GRID1: variants seen among roughly 807,000 people sequenced by gnomAD.
The protein encoded by GRID1 is glutamate ionotropic receptor delta type subunit 1, also known as glutamate receptor ionotropic, delta-1.
A neutral mutation model predicts 98.0 loss-of-function variants in GRID1; 28 were observed. That is an observed-to-expected ratio of 0.29 (90% CI 0.21 to 0.39). The LOEUF (loss-of-function observed/expected upper bound fraction) is 0.39. GRID1 is among the 10% of genes least tolerant of loss of function. The pLI, the probability that GRID1 is intolerant of heterozygous loss-of-function variation, is 1.00. For synonymous variants in GRID1, 553 were observed against 538.5 expected (o/e 1.03, Z -0.37); for missense variants, 1,111 against 1,340.5 (o/e 0.83, Z 2.67).
chr10:85,605,030 G>C (rs1842641115), intron 15 of GRID1, among the ~76,000 whole-genome samples: 1 of 152,224 alleles, frequency 6.6e-6, no homozygotes. Context: ...CAGAGAGACA[G>C]AAAGCAGCAG....
intron 2 of GRID1, among the ~76,000 whole-genome samples, chr10:86,290,128 G>C (rs533390449): frequency 2.0e-4 from 30 of 152,294 alleles, no homozygotes; most frequent in South Asian, 1.5e-3. Flanking sequence ...AGTTTAACTG[G>C]TATTTTTATC....
chr10:85,762,670 C>T (rs1252559101), intron 8 of GRID1, among the ~76,000 whole-genome samples: 2 of 152,174 alleles, frequency 1.3e-5, no homozygotes, highest in South Asian at 2.1e-4. Flanking sequence ...ACCAAAAAAG[C>T]GACAGAGGCT....
intron 2 of GRID1, among the ~76,000 whole-genome samples, chr10:86,305,335 G>A (rs1847745011): frequency 6.6e-6 from 1 of 152,182 alleles, no homozygotes; most frequent in Non-Finnish European, 1.5e-5. Flanking sequence ...TGAGAGGCAG[G>A]GCCTGTGCCT....
intron 8 of GRID1, among the ~76,000 whole-genome samples, chr10:85,771,634 C>T (rs947611089): frequency 2.0e-5 from 3 of 152,072 alleles, no homozygotes; most frequent in Admixed American, 6.5e-5. Context: ...GAAGATCTAC[C>T]AAGCAAATGG....
At chr10:86,148,119 A>T (rs1465752169) in intron 3 of GRID1, among the ~76,000 whole-genome samples, 1 of 152,182 alleles carries the variant, frequency 6.6e-6, no homozygotes, top group East Asian at 1.9e-4. Flanking sequence ...TCATCTCCTA[A>T]TCTATTGGCC....
rs1424798542 is a variant in GRID1 at position 85,909,954 on chromosome 10, A to T, written c.780+6232T>A. Among the ~76,000 whole-genome samples, 4 of 152,320 alleles carry T rather than the reference A, an allele frequency of 2.6e-5. No individual in the cohort carries two copies. The East Asian group carries it at 5.8e-4, about 22-fold the overall frequency. On this transcript the variant is annotated intron_variant, in intron 5 of 15. Transcript: ENST00000327946. The stretch of plus-strand genomic sequence containing the variant: ...TGTTACTTTTTCAGTAATAATAATT[A>T]AAAAAACATAATGAAGGTGATACTC...
intron 2 of GRID1, among the ~76,000 whole-genome samples, chr10:86,283,557 A>ACACATGCACC (rs929833951): frequency 2.6e-5 from 4 of 151,672 alleles, no homozygotes; most frequent in African/African-American, 9.7e-5. Flanking sequence ...GCCCTTACAC[A>ACACATGCACC]CACATGCACA....
intron 4 of GRID1, among the ~76,000 whole-genome samples, chr10:86,102,305 T>C (rs955575769): frequency 2.6e-5 from 4 of 152,142 alleles, no homozygotes; most frequent in Non-Finnish European, 5.9e-5. Context: ...GACATAGCCA[T>C]TGGGGTGGTG....
At chr10:85,922,560 C>A (rs956579688) in intron 4 of GRID1, among the ~76,000 whole-genome samples, 3 of 152,218 alleles carry the variant, frequency 2.0e-5, no homozygotes, top group Non-Finnish European at 2.9e-5. Context: ...ACATTCCCCC[C>A]GTGAAGCCCA....
intron 11 of GRID1, among the ~76,000 whole-genome samples, 153 bp downstream of exon 11, chr10:85,724,199 A>G (rs989693729): frequency 6.6e-6 from 1 of 152,152 alleles, no homozygotes; most frequent in African/African-American, 2.4e-5. Context: ...TTATTCAGAG[A>G]AATTGGGTGC....
intron 2 of GRID1, among the ~76,000 whole-genome samples, chr10:86,260,636 G>A (rs73351681): frequency 0.064 from 9,723 of 152,264 alleles, 885 homozygotes; most frequent in African/African-American, 0.21. Context: ...CTGGGCCATC[G>A]GAATGAGTAA....
At chr10:86,225,680 G>C (rs1398071819) in intron 2 of GRID1, among the ~76,000 whole-genome samples, 1 of 152,088 alleles carries the variant, frequency 6.6e-6, no homozygotes, top group Admixed American at 6.5e-5. Flanking sequence ...GTTGGGGAGA[G>C]GAGCAGAAAG....
chr10:85,723,109 G>T lies in GRID1; in HGVS notation c.1891C>A (p.Arg631Ser), dbSNP rs138984541. 3.0e-5 allele frequency: 48 copies of T among 1,610,972 alleles called. No homozygotes were observed. The highest frequency in any genetic ancestry group is 1.6e-4 in the Middle Eastern group (1 of 6,080). The change falls in exon 12 of 16, where the codon CGC (arginine) becomes AGC (serine). Residue 631 changes from arginine to serine, a missense_variant. Around this residue, in one of 3 missense-constraint regions of GRID1, gnomAD observed 762 missense variants for 869.1 expected, o/e 0.88. Coordinates refer to ENST00000327946, the MANE Select transcript of GRID1 (RefSeq NM_017551.3). ...GESSVNSMAM[R>S]IVMGSWWLFT... ...AGCCACCAGCTGCCCATCACGATGCGCATGGCCATGGAGTTCACGGAAGAT... is the reference window on the plus strand; with the variant it reads ...AGCCACCAGCTGCCCATCACGATGCTCATGGCCATGGAGTTCACGGAAGAT...
At chr10:86,260,753 C>T (rs2132054835) in intron 2 of GRID1, among the ~76,000 whole-genome samples, 1 of 152,292 alleles carries the variant, frequency 6.6e-6, no homozygotes, top group African/African-American at 2.4e-5. Flanking sequence ...CAGACACGGA[C>T]AGTGATGGAA....
At chr10:85,755,405 C>T (rs1290011916) in intron 8 of GRID1, among the ~76,000 whole-genome samples, 2 of 152,180 alleles carry the variant, frequency 1.3e-5, no homozygotes, top group African/African-American at 4.8e-5. Context: ...GGTTCTTCAG[C>T]GCCTGCCCAG....
At chr10:85,926,793 G>C (rs1841780120) in intron 4 of GRID1, among the ~76,000 whole-genome samples, 1 of 152,174 alleles carries the variant, frequency 6.6e-6, no homozygotes, top group African/African-American at 2.4e-5. Context: ...GACTGTGGTG[G>C]AGCCACATCC....
intron 12 of GRID1, among the ~76,000 whole-genome samples, chr10:85,706,582 G>T (rs1841521319): frequency 1.3e-5 from 2 of 152,156 alleles, no homozygotes; most frequent in African/African-American, 4.8e-5. Context: ...AGCTACCAAT[G>T]ACTTTCTTCA....
chr10:85,699,348 C>G (rs1841427701), intron 12 of GRID1, among the ~76,000 whole-genome samples: 1 of 152,176 alleles, frequency 6.6e-6, no homozygotes, highest in Non-Finnish European at 1.5e-5. Context: ...GCCACTGTGC[C>G]CAGCCTAATT....
At chr10:86,246,814 C>A (rs1373282020) in intron 2 of GRID1, among the ~76,000 whole-genome samples, 2 of 152,264 alleles carry the variant, frequency 1.3e-5, no homozygotes, top group Non-Finnish European at 2.9e-5. Context: ...AGGGCCTCCC[C>A]CAGCCAGTGC....
Sources: gnomAD v4.1 joint callset for allele counts (sites outside exome capture counted in the v4.1 genomes callset) on GRCh38, gnomAD v4.1.1 for gene constraint, gnomAD v4.1.1 regional missense constraint, MANE v1.5 for transcripts, NCBI Gene and HGNC (gene_info 2026-07-23, HGNC 2026-07-21) for gene names.